The following DLGAP2 variants were observed in gnomAD, a reference collection of about 807,000 sequenced individuals.
DLGAP2 encodes the protein DLG associated protein 2, also known as disks large-associated protein 2.
In DLGAP2, 26 loss-of-function variants were observed where a neutral mutation model predicts 100.3. The observed-to-expected ratio is 0.26, with a 90% confidence interval of 0.19 to 0.36. The LOEUF is 0.36. DLGAP2 is among the 10% of genes least tolerant of loss of function. The pLI is 1.00. For synonymous variants in DLGAP2, 886 were observed against 630.1 expected (o/e 1.41, Z -6.08); for missense variants, 1,858 against 1,453.2 (o/e 1.28, Z -4.53).
chr8:836,033 C>G (rs1796868134), intron 1 of DLGAP2, among the ~76,000 whole-genome samples: 1 of 152,206 alleles, frequency 6.6e-6, no homozygotes, highest in Non-Finnish European at 1.5e-5. Context: ...AATGGATCCG[C>G]ACTTAACTCA....
chr8:1,258,989 T>C (rs770221938), intron 3 of DLGAP2, 106 bp downstream of exon 3: 19 of 966,862 alleles, frequency 2.0e-5, no homozygotes, highest in Non-Finnish European at 2.5e-5. Context: ...CCTTGAACAT[T>C]GAGGACGCAG....
At chr8:912,945 C>T (rs1221286978) in intron 2 of DLGAP2, among the ~76,000 whole-genome samples, 1 of 152,106 alleles carries the variant, frequency 6.6e-6, no homozygotes, top group Non-Finnish European at 1.5e-5. Context: ...GTGGTCTTTC[C>T]CCTCAGTAGC....
intron 2 of DLGAP2, among the ~76,000 whole-genome samples, chr8:1,059,062 T>C (rs930093585): frequency 1.3e-5 from 2 of 151,998 alleles, no homozygotes; most frequent in Admixed American, 6.5e-5. Context: ...GCTCCCCCCA[T>C]GTGTCCATGT....
At chr8:1,515,008 G>A (rs1008829775) in intron 4 of DLGAP2, among the ~76,000 whole-genome samples, 23 of 151,766 alleles carry the variant, frequency 1.5e-4, no homozygotes, top group Non-Finnish European at 2.1e-4. Context: ...GAGGGAGACC[G>A]ACATGGAGGG....
rs376640718 is a variant in DLGAP2 at position 1,691,482 on chromosome 8, T to A, written c.2705-53T>A. 11 of 1,490,918 alleles carry A rather than the reference T, an allele frequency of 7.4e-6. No individual in the cohort carries two copies. In the Admixed American group the frequency reaches 7.6e-5, roughly 10 times the overall value. The allele number at this position is 1,490,918 out of a possible 1,614,324, so 92.4% of individuals were successfully genotyped here. A position where few individuals can be genotyped will look rare whatever the true frequency, so the allele number is the denominator to read the frequency against. On this transcript the variant is annotated intron_variant, in intron 12 of 14. Coordinates refer to ENST00000637795, the MANE Select transcript of DLGAP2 (RefSeq NM_001346810.2). ...GTGTGATGTTTCTGCTTTTGTGTAA[T>A]TGACCCAGTTTTGAAGTTGTTGTTT...
At chr8:1,440,949 C>T (rs948566673) in intron 3 of DLGAP2, among the ~76,000 whole-genome samples, 6 of 152,108 alleles carry the variant, frequency 3.9e-5, no homozygotes, top group African/African-American at 1.4e-4. Flanking sequence ...AAATTTAATG[C>T]AAAAGCACGT....
intron 8 of DLGAP2, among the ~76,000 whole-genome samples, chr8:1,664,313 G>A (rs1046781714): frequency 2.0e-5 from 3 of 152,134 alleles, no homozygotes; most frequent in Admixed American, 6.5e-5. Context: ...TATGTCCGCT[G>A]GCCCGTCCTA....
intron 3 of DLGAP2, among the ~76,000 whole-genome samples, chr8:1,422,287 A>C (rs1040928571): frequency 6.6e-6 from 1 of 152,202 alleles, no homozygotes; most frequent in Non-Finnish European, 1.5e-5. Flanking sequence ...GAAAAATGTC[A>C]TTCTAGTTTT....
intron 3 of DLGAP2, among the ~76,000 whole-genome samples, chr8:1,298,819 G>A (rs150245392): frequency 0.017 from 2,641 of 152,316 alleles, 30 homozygotes; most frequent in South Asian, 0.032. Context: ...CGCTGGCCGT[G>A]GCAGCTCATG....
At chr8:783,189 T>C (rs1373269678) in intron 1 of DLGAP2, among the ~76,000 whole-genome samples, 2 of 152,216 alleles carry the variant, frequency 1.3e-5, no homozygotes, top group East Asian at 3.9e-4. Flanking sequence ...TTAATACATG[T>C]GTCTTTTTTG....
intron 2 of DLGAP2, among the ~76,000 whole-genome samples, chr8:965,745 C>A (rs111928736): frequency 9.5e-6 from 1 of 105,538 alleles, no homozygotes; most frequent in Non-Finnish European, 2.1e-5. Context: ...TCACCTCACA[C>A]GGCTCCTGAG....
intron 1 of DLGAP2, among the ~76,000 whole-genome samples, chr8:801,564 C>T (rs1273104994): frequency 6.6e-6 from 1 of 152,184 alleles, no homozygotes; most frequent in African/African-American, 2.4e-5. Context: ...GGCCTTAGCC[C>T]TGGGTCTTTC....
intron 2 of DLGAP2, among the ~76,000 whole-genome samples, chr8:1,209,561 A>G (rs1798062527): frequency 6.6e-6 from 1 of 152,168 alleles, no homozygotes; most frequent in Non-Finnish European, 1.5e-5. Context: ...ACTCTAATAA[A>G]TTCCTATGTT....
rs1228983407 is a variant in DLGAP2 at position 1,319,206 on chromosome 8, C to T, written c.106+60323C>T. Among the ~76,000 whole-genome samples the T allele has an allele frequency of 3.3e-5, 5 of 152,186 alleles. No homozygotes were observed. The East Asian group carries it at 5.8e-4, about 18-fold the overall frequency. On this transcript the variant is annotated intron_variant, in intron 3 of 14. Coordinates refer to ENST00000637795, the MANE Select transcript of DLGAP2 (RefSeq NM_001346810.2). The stretch of plus-strand genomic sequence containing the variant: ...TCCCCTCCCTCCTCCCTGGTCAGGG[C>T]GTCTGCTGCCACCCCAGTGAACTGC...
chr8:1,240,474 C>T (rs1173714180), intron 2 of DLGAP2, among the ~76,000 whole-genome samples: 1 of 149,226 alleles, frequency 6.7e-6, no homozygotes, highest in Non-Finnish European at 1.5e-5. Context: ...TCACATGGCA[C>T]CATGTCTAGT....
At chr8:762,582 T>C (rs1821113673) in intron 1 of DLGAP2, among the ~76,000 whole-genome samples, 1 of 152,088 alleles carries the variant, frequency 6.6e-6, no homozygotes, top group African/African-American at 2.4e-5. Context: ...GCTCTTCTGC[T>C]TGCCACCTGG....
intron 2 of DLGAP2, among the ~76,000 whole-genome samples, chr8:1,031,946 T>C (rs1194293435): frequency 6.6e-6 from 1 of 152,244 alleles, no homozygotes; most frequent in Non-Finnish European, 1.5e-5. Flanking sequence ...CGAGTCTGTC[T>C]GGGGATGTAG....
At chr8:1,438,586 G>T (rs779434494) in intron 3 of DLGAP2, among the ~76,000 whole-genome samples, 5 of 152,046 alleles carry the variant, frequency 3.3e-5, no homozygotes, top group Non-Finnish European at 5.9e-5. Context: ...AAATATTTTA[G>T]TGAAACTAGC....
chr8:1,144,624 C>T (rs994731930), intron 2 of DLGAP2, among the ~76,000 whole-genome samples: 4 of 152,240 alleles, frequency 2.6e-5, no homozygotes, highest in African/African-American at 9.6e-5. Flanking sequence ...GGAGAAGTTG[C>T]GTCTAGGTAA....
Sources: allele counts gnomAD v4.1 joint callset (sites outside exome capture counted in the v4.1 genomes callset), GRCh38; gene constraint gnomAD v4.1.1; transcripts MANE v1.5; gene names NCBI Gene and HGNC (gene_info 2026-07-23, HGNC 2026-07-21).